CTNNA2: variants seen among roughly 807,000 people sequenced by gnomAD.
CTNNA2 encodes the protein catenin alpha 2.
Under a neutral mutation model 101.0 loss-of-function variants are expected in CTNNA2, and 42 were observed. That is an observed-to-expected ratio of 0.42 (90% CI 0.32 to 0.54). CTNNA2 has a LOEUF of 0.54. Among genes scored for constraint, CTNNA2 ranks in the 20% least tolerant of loss-of-function variants. The probability of loss-of-function intolerance (pLI) is 0.14; values close to 1 mark genes in which losing one functional copy is unlikely to be tolerated. For missense variants in CTNNA2, 871 were observed against 1,223.1 expected (o/e 0.71, Z 4.29); for synonymous variants, 450 against 456.4 (o/e 0.99, Z 0.18).
intron 7 of CTNNA2, among the ~76,000 whole-genome samples, chr2:80,322,927 T>A (rs1214341725): frequency 6.6e-6 from 1 of 152,178 alleles, no homozygotes; most frequent in African/African-American, 2.4e-5. Context: ...GCCCACCCCT[T>A]GCCATTCCAG....
intron 7 of CTNNA2, among the ~76,000 whole-genome samples, chr2:80,240,514 C>T (rs1402376282): frequency 3.3e-5 from 5 of 152,132 alleles, no homozygotes; most frequent in Non-Finnish European, 1.5e-5. Flanking sequence ...CGAGTATAGC[C>T]CTGTGAAACC....
intron 7 of CTNNA2, among the ~76,000 whole-genome samples, chr2:80,245,822 T>TTTTTTTTTTTTTG (rs1558937542): frequency 1.5e-5 from 2 of 135,468 alleles, no homozygotes; most frequent in Admixed American, 7.3e-5. Context: ...TTTTTTTTTT[T>TTTTTTTTTTTTTG]TGCACTCTGT....
At chr2:79,879,025 A>T (rs975427434) in intron 6 of CTNNA2, among the ~76,000 whole-genome samples, 5 of 152,122 alleles carry the variant, frequency 3.3e-5, no homozygotes, top group Admixed American at 6.6e-5. Context: ...GTCCAGTTTT[A>T]GTTTTCTGCC....
At chr2:80,387,291 A>T (rs1677110694) in intron 7 of CTNNA2, among the ~76,000 whole-genome samples, 1 of 152,176 alleles carries the variant, frequency 6.6e-6, no homozygotes, top group Non-Finnish European at 1.5e-5. Context: ...TTTGTCTCAA[A>T]AAAAAAAGAA....
intron 1 of CTNNA2, among the ~76,000 whole-genome samples, chr2:79,633,015 T>C (rs1679797017): frequency 6.6e-6 from 1 of 152,196 alleles, no homozygotes. Context: ...ACTGGGGGGC[T>C]GTAGTTTGCC....
At chr2:79,613,352 T>TA in intron 1 of CTNNA2, among the ~76,000 whole-genome samples, 1 of 141,208 alleles carries the variant, frequency 7.1e-6, no homozygotes, top group South Asian at 2.2e-4. Context: ...TATTCTTTGG[T>TA]TTTTTTTTTT....
At chr2:79,434,242 G>A (rs1678688803) in intron 4 of CTNNA2, among the ~76,000 whole-genome samples, 5 of 147,882 alleles carry the variant, frequency 3.4e-5, no homozygotes, top group East Asian at 2.0e-4. Context: ...AGGCTGCAGT[G>A]AGCTATAATC....
At chr2:79,309,608 C>G (rs1676320753) in intron 2 of CTNNA2, among the ~76,000 whole-genome samples, 1 of 137,522 alleles carries the variant, frequency 7.3e-6, no homozygotes, top group Middle Eastern at 4.0e-3. Flanking sequence ...TTACTTCAGG[C>G]TACCATATTT....
chr2:79,533,415 T>C (rs939694089), intron 1 of CTNNA2, among the ~76,000 whole-genome samples: 42 of 152,166 alleles, frequency 2.8e-4, no homozygotes, highest in African/African-American at 1.0e-3. Context: ...ATGAAGTGAA[T>C]GGTAGTTTAT....
chr2:80,455,071 T>A (rs1266463351), intron 9 of CTNNA2, among the ~76,000 whole-genome samples: 2 of 152,232 alleles, frequency 1.3e-5, no homozygotes, highest in African/African-American at 4.8e-5. Flanking sequence ...GTCCCTTTCT[T>A]CCAGATTAGT....
Position 79,715,860 on chromosome 2 carries a change from TAGA to T in CTNNA2, c.103-28523_103-28521del, listed in dbSNP as rs558582982. ...AGATACGTCTAATATCAAGCATAAG[TAGA>T]AGATCCTGAGATAGAGACCAGGTTA... On this transcript the variant is annotated intron_variant, in intron 2 of 18. Coordinates refer to ENST00000402739, the MANE Select transcript of CTNNA2 (RefSeq NM_001282597.3). Among the ~76,000 whole-genome samples the T allele has an allele frequency of 1.1e-3, 169 of 152,162 alleles. 1 individual carries two copies. The highest frequency in any genetic ancestry group is 3.8e-3 in the African/African-American group (159 of 41,498).
intron 2 of CTNNA2, among the ~76,000 whole-genome samples, chr2:79,717,034 A>T (rs927288366): frequency 6.6e-6 from 1 of 152,212 alleles, no homozygotes; most frequent in Non-Finnish European, 1.5e-5. Context: ...TAGTATATAC[A>T]TAGGACATAG....
chr2:79,399,871 A>G (rs952255003), intron 4 of CTNNA2, among the ~76,000 whole-genome samples: 2 of 152,050 alleles, frequency 1.3e-5, no homozygotes, highest in African/African-American at 2.4e-5. Flanking sequence ...AAAGGATGAG[A>G]ATGATTCCCT....
chr2:80,423,040 C>T (rs557505414), intron 9 of CTNNA2, among the ~76,000 whole-genome samples: 27 of 152,064 alleles, frequency 1.8e-4, no homozygotes, highest in African/African-American at 5.1e-4. Context: ...ATCTGCAGTA[C>T]GGTTTCTTTT....
intron 4 of CTNNA2, among the ~76,000 whole-genome samples, chr2:79,489,122 G>A (rs1357046633): frequency 6.6e-6 from 1 of 151,782 alleles, no homozygotes; most frequent in Non-Finnish European, 1.5e-5. Flanking sequence ...GTCTCCTATT[G>A]TTCTCTTAAA....
At position 80,401,862 on chromosome 2, in the gene CTNNA2, G is replaced by A. The variant is rs144936199; in HGVS notation, c.1137+8571G>A. Among the ~76,000 whole-genome samples the A allele has an allele frequency of 1.5e-3, 232 of 151,666 alleles. 1 individual carries two copies. The highest frequency in any genetic ancestry group is 2.5e-3 in the Non-Finnish European group (168 of 67,984). ...ACACATTACCTCTAGTCACCAAAAC[G>A]TATGCGGTATGATTTTCCCTCACTG... On this transcript the variant is annotated intron_variant, in intron 8 of 18. Coordinates refer to ENST00000402739, the MANE Select transcript of CTNNA2 (RefSeq NM_001282597.3).
chr2:80,204,937 G>A (rs1217852422), intron 7 of CTNNA2, among the ~76,000 whole-genome samples: 1 of 152,138 alleles, frequency 6.6e-6, no homozygotes, highest in Non-Finnish European at 1.5e-5. Flanking sequence ...ATGTCAGCAG[G>A]GAAAGAGAGC....
At chr2:79,721,806 A>G (rs1032680106) in intron 2 of CTNNA2, among the ~76,000 whole-genome samples, 2 of 152,206 alleles carry the variant, frequency 1.3e-5, no homozygotes, top group African/African-American at 2.4e-5. Context: ...TACTGCCACC[A>G]TTGTGCATTA....
chr2:80,144,681 G>T (rs1472877358), intron 7 of CTNNA2, among the ~76,000 whole-genome samples: 1 of 152,092 alleles, frequency 6.6e-6, no homozygotes, highest in Non-Finnish European at 1.5e-5. Flanking sequence ...TAATCCAGTT[G>T]TATTTGTCTG....
Sources: gnomAD v4.1 joint callset for allele counts (sites outside exome capture counted in the v4.1 genomes callset) on GRCh38, gnomAD v4.1.1 for gene constraint, MANE v1.5 for transcripts, NCBI Gene and HGNC (gene_info 2026-07-23, HGNC 2026-07-21) for gene names.